Variants in OBI1 observed in about 807,000 individuals in gnomAD.
OBI1 encodes the protein ORC ubiquitin ligase 1.
Under a neutral mutation model 62.4 loss-of-function variants are expected in OBI1, and 59 were observed. The observed-to-expected ratio is 0.95, with a 90% CI of 0.77 to 1.17. The LOEUF (loss-of-function observed/expected upper bound fraction) is 1.17, where lower values mean the gene tolerates loss of function less well. Ranked by LOEUF, OBI1 falls within the 50% of genes most tolerant of loss-of-function variation. The pLI, the probability that OBI1 is intolerant of heterozygous loss-of-function variation, is 0.00. For missense variants in OBI1, 875 were observed against 830.9 expected (o/e 1.05, Z -0.65); for synonymous variants, 302 against 292.8 (o/e 1.03, Z -0.32).
chr13:78,638,856 T>C lies in OBI1; in HGVS notation c.516A>G (p.Glu172=). Residue 172 remains glutamate, a synonymous_variant, in exon 4 of 6, where the codon GAA becomes GAG. Transcript: ENST00000282003. ...GCTTATCCACATCATCTTTCACTTT[T>C]TCATAGATTTCATTAGCTGTTCTGA... is the stretch of plus-strand genomic sequence containing the variant. ...KKLRTANEIY[E]KVKDDVDKLK... is the part of the protein sequence containing the mutation. The C allele has an allele frequency of 6.2e-7, 1 of 1,613,550 alleles. No homozygotes were observed. The highest frequency in any genetic ancestry group is 1.1e-5 in the South Asian group (1 of 90,988).
intron 3 of OBI1, among the ~76,000 whole-genome samples, chr13:78,640,465 G>A (rs1303150497): frequency 6.6e-6 from 1 of 151,544 alleles, no homozygotes; most frequent in Non-Finnish European, 1.5e-5. Flanking sequence ...TTCAATCTTG[G>A]TTGTTTGAAT....
At chr13:78,658,258 C>T (rs1360581632) in intron 1 of OBI1, among the ~76,000 whole-genome samples, 2 of 152,054 alleles carry the variant, frequency 1.3e-5, no homozygotes, top group Admixed American at 6.6e-5. Context: ...TTTATCTATT[C>T]GGTAAAGAAA....
At chr13:78,634,255 G>C (rs1057027347) in intron 5 of OBI1, among the ~76,000 whole-genome samples, 1 of 151,828 alleles carries the variant, frequency 6.6e-6, no homozygotes, top group African/African-American at 2.4e-5. Context: ...ATGGTTAAGA[G>C]CACAGACTCT....
chr13:78,657,682 C>G (rs965387296), intron 1 of OBI1, among the ~76,000 whole-genome samples: 1 of 152,172 alleles, frequency 6.6e-6, no homozygotes, highest in Non-Finnish European at 1.5e-5. Flanking sequence ...CTAATGGAAA[C>G]TATATATAAT....
intron 1 of OBI1, among the ~76,000 whole-genome samples, chr13:78,656,196 T>C (rs1044703093): frequency 2.0e-5 from 3 of 152,250 alleles, no homozygotes; most frequent in Admixed American, 6.5e-5. Flanking sequence ...ACTTTGCACA[T>C]GCTTTGTTTA....
At chr13:78,635,230 A>G (rs1419121270) in intron 4 of OBI1, 32 bp from the exon 5 acceptor site, 3 of 1,307,606 alleles carry the variant, frequency 2.3e-6, no homozygotes, top group Non-Finnish European at 2.2e-6. Flanking sequence ...AAGTAAGCAA[A>G]AGCTACAATA....
intron 1 of OBI1, among the ~76,000 whole-genome samples, chr13:78,656,737 G>A (rs919941358): frequency 4.0e-5 from 5 of 124,104 alleles, no homozygotes; most frequent in African/African-American, 9.2e-5. Flanking sequence ...CCTGGGGGGG[G>A]GGGGGGAGGA....
In OBI1 at chr13:78,615,886, A is replaced by G; in HGVS notation, c.1875T>C (p.Asp625=). ...LSPSDQEMNE[D]FSLHSSSCPV... ...GACAAGAACTGGAATGGAGTGAAAAATCTTCATTCATTTCTTGGTCAGATG... is the reference window on the plus strand; with the variant it reads ...GACAAGAACTGGAATGGAGTGAAAAGTCTTCATTCATTTCTTGGTCAGATG... Residue 625 remains aspartate, a synonymous_variant, in exon 6 of 6, where the codon GAT becomes GAC. Transcript: ENST00000282003. 3 of 1,614,096 alleles carry G rather than the reference A, an allele frequency of 1.9e-6. No homozygotes were observed. The highest frequency in any genetic ancestry group is 2.5e-6 in the Non-Finnish European group (3 of 1,180,000).
In OBI1 at chr13:78,615,355, A is replaced by G. The variant is rs1009745247; in HGVS notation, c.*225T>C. 1.3e-5 allele frequency: 5 copies of G among 374,684 alleles called. No homozygotes were observed. Among genetic ancestry groups the G allele is most frequent in the South Asian group, 1.0e-4 (1 of 9,726 alleles). The allele number at this position is 374,684 out of a possible 1,614,324, so 23.2% of individuals were successfully genotyped here. On this transcript the variant is annotated 3_prime_UTR_variant, in exon 6 of 6. Coordinates refer to ENST00000282003, the MANE Select transcript of OBI1 (RefSeq NM_024546.4). ...AAACACAAAAATAACCTCCTCCCTA[A>G]CTTCTCTGGTCACAAAGACTCCCAA...
intron 5 of OBI1, among the ~76,000 whole-genome samples, chr13:78,623,069 T>C (rs1875559059): frequency 6.6e-6 from 1 of 152,160 alleles, no homozygotes; most frequent in South Asian, 2.1e-4. Context: ...AAGCAACCCA[T>C]ACATTTATAC....
At chr13:78,649,550 G>C (rs1406786129) in intron 1 of OBI1, among the ~76,000 whole-genome samples, 1 of 152,178 alleles carries the variant, frequency 6.6e-6, no homozygotes, top group Non-Finnish European at 1.5e-5. Flanking sequence ...AGATGAAGAA[G>C]TGAAGACAGA....
In OBI1 at chr13:78,616,627, G is replaced by A. The variant is rs1247989055; in HGVS notation, c.1134C>T (p.Tyr378=). The part of the protein sequence containing the change: ...WGNKPSDCVP[Y]KDEELYDLPA... ...GAAGATCATAAAGTTCTTCATCTTT[G>A]TAGGGTACACAGTCACTTGGTTTAT... Residue 378 remains tyrosine, a synonymous_variant, in exon 6 of 6, where the codon TAC becomes TAT. Transcript: ENST00000282003. The A allele has an allele frequency of 1.2e-6, 2 of 1,614,002 alleles. No homozygotes were observed. The highest frequency in any genetic ancestry group is 1.7e-5 in the Admixed American group (1 of 60,000).
At chr13:78,633,886 T>C (rs1875932466) in intron 5 of OBI1, among the ~76,000 whole-genome samples, 1 of 151,546 alleles carries the variant, frequency 6.6e-6, no homozygotes, top group Non-Finnish European at 1.5e-5. Flanking sequence ...GCTAACACGG[T>C]GAAACCCCGT....
intron 5 of OBI1, among the ~76,000 whole-genome samples, chr13:78,634,693 A>T (rs1408719116): frequency 2.0e-5 from 3 of 152,248 alleles, no homozygotes; most frequent in Non-Finnish European, 4.4e-5. Context: ...ATAGAGAATA[A>T]TAATAGTTCT....
At position 78,616,534 on chromosome 13, in the gene OBI1, A is replaced by G; in HGVS notation, c.1227T>C (p.Ser409=). 6.2e-7 allele frequency: 1 copy of G among 1,614,080 alleles called. No individual in the cohort carries two copies. Among genetic ancestry groups the G allele is most frequent in the Middle Eastern group, 1.6e-4 (1 of 6,062 alleles). The change falls in exon 6 of 6, where the codon TCT becomes TCC. Residue 409 remains serine (S), a synonymous_variant. Transcript: ENST00000282003. ...QLSTPENRES[S]VVQAGGSKKH... ...TTTTGGAACCTCCTGCTTGGACCACAGAGCTCTCTCTATTTTCTGGAGTAC... is the reference window on the plus strand; with the variant it reads ...TTTTGGAACCTCCTGCTTGGACCACGGAGCTCTCTCTATTTTCTGGAGTAC...
At position 78,616,469 on chromosome 13, in the gene OBI1, A is replaced by G. The variant is rs752657234; in HGVS notation, c.1292T>C (p.Phe431Ser). 1 of 1,614,082 alleles carries G rather than the reference A, an allele frequency of 6.2e-7. No homozygotes were observed. The highest frequency in any genetic ancestry group is 1.1e-5 in the South Asian group (1 of 91,046). ...NHLRKLVFDD[F>S]CDSSNVSNKD... is the part of the protein sequence containing the mutation. The stretch of plus-strand genomic sequence containing the variant: ...ATTAGAAACATTTGAAGAATCACAA[A>G]AATCATCAAACACCAATTTTCTGAG... Residue 431 changes from phenylalanine to serine, a missense_variant, in exon 6 of 6, where the codon TTT becomes TCT. By Grantham distance (155) the Phe-to-Ser change is radical. Coordinates refer to ENST00000282003, the MANE Select transcript of OBI1 (RefSeq NM_024546.4).
At chr13:78,640,732 G>T (rs958965665) in intron 3 of OBI1, among the ~76,000 whole-genome samples, 1 of 152,190 alleles carries the variant, frequency 6.6e-6, no homozygotes, top group East Asian at 1.9e-4. Flanking sequence ...CCCAGGAGGC[G>T]GAGGTTGCAG....
intron 1 of OBI1, among the ~76,000 whole-genome samples, chr13:78,651,248 A>G (rs1007697863): frequency 5.3e-5 from 8 of 152,310 alleles, no homozygotes; most frequent in African/African-American, 1.4e-4. Context: ...ATCTACTGCA[A>G]TGACCACCTC....
chr13:78,648,913 CAAAA>C (rs11385544), intron 1 of OBI1, among the ~76,000 whole-genome samples: 1 of 125,776 alleles, frequency 8.0e-6, no homozygotes. Flanking sequence ...AATGCCATCT[CAAAA>C]AAAAAAAAAA....
Sources: gnomAD v4.1 joint callset for allele counts (sites outside exome capture counted in the v4.1 genomes callset) on GRCh38, gnomAD v4.1.1 for gene constraint, MANE v1.5 for transcripts, NCBI Gene and HGNC (gene_info 2026-07-23, HGNC 2026-07-21) for gene names.